The following GPC5 variants were observed in gnomAD, a reference collection of about 807,000 sequenced individuals.
GPC5 encodes the protein glypican-5.
In GPC5, 47 loss-of-function variants were observed where a neutral mutation model predicts 53.9. The ratio of observed to expected loss-of-function variants is 0.87; its 90% confidence interval spans 0.69 to 1.11. The LOEUF (loss-of-function observed/expected upper bound fraction) is 1.11, where lower values mean the gene tolerates loss of function less well. GPC5 is among the 50% of genes most tolerant of loss of function. The pLI is 0.00. For synonymous variants in GPC5, 286 were observed against 263.3 expected (o/e 1.09, Z -0.84); for missense variants, 748 against 713.1 (o/e 1.05, Z -0.56).
In GPC5 at chr13:91,499,049, G is replaced by T. The variant is rs530356945; in HGVS notation, c.325+50127G>T. 2.6e-5 allele frequency among the ~76,000 whole-genome samples: 4 copies of T among 152,250 alleles called. No individual in the cohort carries two copies. In the South Asian group the frequency reaches 6.2e-4, roughly 24 times the overall value. Reference sequence around the variant, plus strand: ...TAGGGATGGGGCTCAGGGAGTTCCAGAGGAATGAAAACAAATGAGACTAGG... The same window carrying T: ...TAGGGATGGGGCTCAGGGAGTTCCATAGGAATGAAAACAAATGAGACTAGG... On this transcript the variant is annotated intron_variant, in intron 2 of 7. Transcript: ENST00000377067.
chr13:92,505,824 C>T (rs543439225), intron 7 of GPC5, among the ~76,000 whole-genome samples: 13 of 152,186 alleles, frequency 8.5e-5, no homozygotes, highest in South Asian at 8.3e-4. Flanking sequence ...ACATCAAACT[C>T]GAAGGCTTTA....
At chr13:92,024,505 A>T (rs1045091838) in intron 6 of GPC5, among the ~76,000 whole-genome samples, 6 of 152,180 alleles carry the variant, frequency 3.9e-5, no homozygotes, top group Non-Finnish European at 8.8e-5. Flanking sequence ...ATGATCTGTA[A>T]TAAACTTTCT....
At chr13:92,748,311 TTTATTATTATTA>T (rs71202559) in intron 7 of GPC5, among the ~76,000 whole-genome samples, 41 of 142,348 alleles carry the variant, frequency 2.9e-4, no homozygotes, top group African/African-American at 4.9e-4. Flanking sequence ...TGCATTTTAT[TTTATTATTATTA>T]TTATTATTAT....
At chr13:92,521,581 A>C (rs1881050716) in intron 7 of GPC5, among the ~76,000 whole-genome samples, 1 of 152,234 alleles carries the variant, frequency 6.6e-6, no homozygotes, top group Non-Finnish European at 1.5e-5. Flanking sequence ...CATATGTAGA[A>C]AGCTGAAACT....
chr13:92,718,683 G>A (rs1888408961), intron 7 of GPC5, among the ~76,000 whole-genome samples: 1 of 152,060 alleles, frequency 6.6e-6, no homozygotes. Flanking sequence ...AGACCAGCCT[G>A]GCCAACATGG....
At chr13:92,109,847 T>C (rs2138925490) in intron 6 of GPC5, among the ~76,000 whole-genome samples, 1 of 152,314 alleles carries the variant, frequency 6.6e-6, no homozygotes. Flanking sequence ...ATCTGATCAA[T>C]CACTATAAGA....
chr13:92,661,859 C>A (rs1442438744), intron 7 of GPC5, among the ~76,000 whole-genome samples: 3 of 152,220 alleles, frequency 2.0e-5, no homozygotes, highest in Non-Finnish European at 4.4e-5. Context: ...TCCTCTACCT[C>A]TTCCTATCTC....
At chr13:91,891,533 C>G (rs2039386638) in intron 5 of GPC5, among the ~76,000 whole-genome samples, 1 of 152,046 alleles carries the variant, frequency 6.6e-6, no homozygotes, top group African/African-American at 2.4e-5. Context: ...ATGACAAATG[C>G]TCATGAATAG....
intron 2 of GPC5, among the ~76,000 whole-genome samples, chr13:91,464,453 C>T (rs1301138583): frequency 1.3e-5 from 2 of 152,002 alleles, no homozygotes; most frequent in African/African-American, 4.8e-5. Flanking sequence ...TTTGTAGTAG[C>T]CCCAAACAGG....
chr13:91,407,443 A>G (rs746114351), intron 1 of GPC5, among the ~76,000 whole-genome samples: 4 of 152,226 alleles, frequency 2.6e-5, no homozygotes, highest in Admixed American at 1.3e-4. Flanking sequence ...TGTTATCGTC[A>G]TGTAGTGGGG....
intron 7 of GPC5, among the ~76,000 whole-genome samples, chr13:92,789,734 T>G (rs1594508871): frequency 3.9e-5 from 6 of 152,076 alleles, no homozygotes; most frequent in Admixed American, 3.9e-4. Flanking sequence ...ACTGAAGGTG[T>G]CTTAGGGTTC....
At chr13:91,715,122 G>A (rs978813468) in intron 3 of GPC5, among the ~76,000 whole-genome samples, 1 of 152,290 alleles carries the variant, frequency 6.6e-6, no homozygotes, top group South Asian at 2.1e-4. Flanking sequence ...GTGGAAAGAG[G>A]CAGCAGCTCC....
At chr13:91,633,074 C>G (rs568533749) in intron 2 of GPC5, among the ~76,000 whole-genome samples, 1 of 152,106 alleles carries the variant, frequency 6.6e-6, no homozygotes, top group Non-Finnish European at 1.5e-5. Flanking sequence ...AACAAAGATG[C>G]TACAAATTAG....
chr13:92,105,039 A>G (rs1442199536), intron 6 of GPC5, among the ~76,000 whole-genome samples: 1 of 152,224 alleles, frequency 6.6e-6, no homozygotes, highest in Non-Finnish European at 1.5e-5. Flanking sequence ...AAGCATCAGA[A>G]GCTTTGTTTT....
chr13:91,743,514 C>T (rs2036981275), intron 4 of GPC5, among the ~76,000 whole-genome samples: 1 of 152,080 alleles, frequency 6.6e-6, no homozygotes, highest in African/African-American at 2.4e-5. Flanking sequence ...CATTTAAAAT[C>T]TATCAACGGC....
At chr13:92,316,710 A>G (rs915994613) in intron 7 of GPC5, among the ~76,000 whole-genome samples, 1 of 152,146 alleles carries the variant, frequency 6.6e-6, no homozygotes, top group African/African-American at 2.4e-5. Flanking sequence ...AAGCAACTCA[A>G]GATAAATTTT....
intron 7 of GPC5, among the ~76,000 whole-genome samples, chr13:92,580,429 T>C (rs1883334733): frequency 6.6e-6 from 1 of 152,198 alleles, no homozygotes. Flanking sequence ...ATAGTATACA[T>C]ATAAACACAA....
chr13:92,672,858 G>C (rs35478536), intron 7 of GPC5, among the ~76,000 whole-genome samples: 33,624 of 152,038 alleles, frequency 0.22, 4,381 homozygotes, highest in South Asian at 0.36. Flanking sequence ...ACATAGAGGG[G>C]AATAACACAC....
Position 92,354,137 on chromosome 13 carries a change from T to TTA in GPC5, c.1561+209149_1561+209150dup, listed in dbSNP as rs1396342144. On this transcript the variant is annotated intron_variant, in intron 7 of 7. Coordinates refer to ENST00000377067, the MANE Select transcript of GPC5 (RefSeq NM_004466.6). The stretch of plus-strand genomic sequence containing the variant: ...CAAAACGCAAGTCATCATGTGGTGA[T>TTA]TACAAAGTCATATGTGCCCTGAACT... Among the ~76,000 whole-genome samples, 3 of 152,330 alleles carry TTA rather than the reference T, an allele frequency of 2.0e-5. No homozygotes were observed. The East Asian group carries it at 5.8e-4, about 29-fold the overall frequency.
Sources: gnomAD v4.1 joint callset for allele counts (sites outside exome capture counted in the v4.1 genomes callset) on GRCh38, gnomAD v4.1.1 for gene constraint, MANE v1.5 for transcripts, NCBI Gene and HGNC (gene_info 2026-07-23, HGNC 2026-07-21) for gene names.